Variants in OSBPL7 observed in about 807,000 individuals in gnomAD.
The protein encoded by OSBPL7 is oxysterol binding protein like 7, also known as oxysterol-binding protein-related protein 7.
A neutral mutation model predicts 115.8 loss-of-function variants in OSBPL7; 66 were observed. That is an observed-to-expected ratio of 0.57 (90% CI 0.47 to 0.70). The LOEUF is 0.70. Ranked by LOEUF, OSBPL7 falls within the 30% of genes least tolerant of loss-of-function variation. The pLI, the probability that OSBPL7 is intolerant of heterozygous loss-of-function variation, is 0.00. For missense variants in OSBPL7, 902 were observed against 1,125.5 expected, an observed-to-expected ratio of 0.80 and a Z score of 2.84; for synonymous variants, 441 against 439.2, an observed-to-expected ratio of 1.00 and a Z score of -0.05.
At chr17:47,819,175 ATG>A in intron 4 of OSBPL7, 76 bp from the exon 5 acceptor site, 2 of 1,262,278 alleles carry the variant, frequency 1.6e-6, no homozygotes, top group Non-Finnish European at 2.3e-6. Context: ...CATCTCCCTG[ATG>A]CCATTCTAGG....
intron 16 of OSBPL7, among the ~76,000 whole-genome samples, chr17:47,812,738 G>A (rs903299465): frequency 4.6e-5 from 7 of 152,174 alleles, no homozygotes; most frequent in Non-Finnish European, 1.5e-5. Flanking sequence ...GTCGGCCTCC[G>A]CCAACCAGGC....
At chr17:47,817,144 G>C in intron 8 of OSBPL7, 112 bp downstream of exon 8, 3 of 864,870 alleles carry the variant, frequency 3.5e-6, no homozygotes, top group Non-Finnish European at 5.4e-6. Flanking sequence ...GAAACCAGGC[G>C]ATGCATGGCT....
intron 14 of OSBPL7, 106 bp from the exon 15 acceptor site, chr17:47,813,940 C>T (rs1387617354): frequency 7.2e-7 from 1 of 1,397,070 alleles, no homozygotes; most frequent in Non-Finnish European, 9.5e-7. Flanking sequence ...GCCCCTGGGA[C>T]ATTCGCCCCT....
chr17:47,817,970 G>GC (rs2033276879), intron 7 of OSBPL7, among the ~76,000 whole-genome samples: 3 of 152,148 alleles, frequency 2.0e-5, no homozygotes, highest in Admixed American at 2.0e-4. Flanking sequence ...CTTTCCTAGA[G>GC]CACACCCCTT....
At chr17:47,818,443 T>G in intron 6 of OSBPL7, 57 bp from the exon 7 acceptor site, 1 of 1,595,258 alleles carries the variant, frequency 6.3e-7, no homozygotes, top group Non-Finnish European at 8.6e-7. Context: ...GGTCTCACAG[T>G]TCTCCATAGC....
chr17:47,818,710 G>A (rs1425569867), intron 5 of OSBPL7, 94 bp from the exon 6 acceptor site: 182 of 1,112,504 alleles, frequency 1.6e-4, no homozygotes, highest in Non-Finnish European at 2.1e-5. Flanking sequence ...GACAAGCAGG[G>A]TCTCTTCTTA....
intron 14 of OSBPL7, 42 bp downstream of exon 14, chr17:47,814,479 A>ACCCCCCCCCCC: frequency 9.2e-7 from 1 of 1,086,690 alleles, no homozygotes; most frequent in South Asian, 1.2e-5. Flanking sequence ...CTGTTTTTCC[A>ACCCCCCCCCCC]CCCGCCTCCC....
chr17:47,820,523 T>C (rs1178998316), intron 1 of OSBPL7, 158 bp from the exon 2 acceptor site: 2 of 510,770 alleles, frequency 3.9e-6, no homozygotes, highest in Non-Finnish European at 7.1e-6. Context: ...ACCCCACCCA[T>C]TTTCACCTGA....
intron 15 of OSBPL7, 68 bp downstream of exon 15, chr17:47,813,519 T>C: frequency 6.3e-7 from 1 of 1,586,946 alleles, no homozygotes; most frequent in South Asian, 1.1e-5. Flanking sequence ...GCCAGGATTT[T>C]CTGGGAGAAA....
chr17:47,814,479 A>ACCCCCCACCCCCCCCACC, intron 14 of OSBPL7, 42 bp downstream of exon 14: 1 of 1,086,692 alleles, frequency 9.2e-7, no homozygotes, highest in Non-Finnish European at 1.4e-6. Context: ...CTGTTTTTCC[A>ACCCCCCACCCCCCCCACC]CCCGCCTCCC....
rs1005521972 is a variant in OSBPL7, at chr17:47,808,487, T to G, written c.2420+51A>C. On this transcript the variant is annotated intron_variant, in intron 22 of 22. Transcript: ENST00000007414. The surrounding 1 kb of genome is among the most constrained non-coding windows in gnomAD (Gnocchi z 6.1). ...GTGCTGCCTCCCACACCTGCCCTGC[T>G]CCAAGCAGGGCTCATGGGGAGACCC... 6.2e-7 allele frequency: 1 copy of G among 1,613,960 alleles called. No homozygotes were observed. The highest frequency in any genetic ancestry group is 1.3e-5 in the African/African-American group (1 of 75,040).
chr17:47,809,757 C>T (rs780554252), intron 18 of OSBPL7, among the ~76,000 whole-genome samples: 6 of 152,204 alleles, frequency 3.9e-5, no homozygotes, highest in Non-Finnish European at 8.8e-5. Flanking sequence ...CACCAGGAAC[C>T]GTGTGTACGT....
intron 13 of OSBPL7, chr17:47,814,883 G>A: frequency 5.3e-6 from 3 of 566,766 alleles, no homozygotes; most frequent in Non-Finnish European, 9.4e-6. Context: ...AGGGAAGTTG[G>A]GGATTACTGA....
chr17:47,817,005 G>T, intron 8 of OSBPL7, 133 bp from the exon 9 acceptor site: 1 of 898,354 alleles, frequency 1.1e-6, no homozygotes. Flanking sequence ...AGAGGATGCG[G>T]CCGCTCAGGC....
In OSBPL7 at chr17:47,808,063, G is replaced by A. The variant is rs545191627; in HGVS notation, c.*228C>T. 786 of 575,370 alleles carry A rather than the reference G, an allele frequency of 1.4e-3. 4 individuals are homozygous for A. In the African/African-American group the frequency reaches 0.014, roughly 10 times the overall value. The allele number at this position is 575,370 out of a possible 1,614,324, so 35.6% of individuals were successfully genotyped here. A position where few individuals can be genotyped will look rare whatever the true frequency, so the allele number is the denominator to read the frequency against. On this transcript the variant is annotated 3_prime_UTR_variant, in exon 23 of 23. Coordinates refer to ENST00000007414, the MANE Select transcript of OSBPL7 (RefSeq NM_145798.3). The surrounding 1 kb of genome is among the most constrained non-coding windows in gnomAD (Gnocchi z 6.1). ...AAGGGTCTTACATGCTGGTTGTCTGGGGCAAGGAGACTGGGGAAGCACAGA... is the reference window on the plus strand; with the variant it reads ...AAGGGTCTTACATGCTGGTTGTCTGAGGCAAGGAGACTGGGGAAGCACAGA...
Position 47,809,415 on chromosome 17 carries a change from C to G in OSBPL7, c.1944G>C (p.Gln648His), listed in dbSNP as rs760373425. ...TSCIHNVLSG[Q>H]RWIEHYGEVL... ...CCTCCCCATAGTGCTCGATCCAGCG[C>G]TGACCACTCAGGACATTGTGAATGC... is the stretch of plus-strand genomic sequence containing the variant. The change falls in exon 19 of 23, where the codon CAG (glutamine) becomes CAC (histidine). Residue 648 changes from glutamine to histidine, a missense_variant. Physicochemically the swap from Gln to His is conservative, Grantham distance 24 (BLOSUM62 0). Transcript: ENST00000007414. 1.2e-5 allele frequency: 19 copies of G among 1,614,070 alleles called. No individual in the cohort carries two copies. In the South Asian group the frequency reaches 2.1e-4, roughly 18 times the overall value.
In OSBPL7 at chr17:47,808,843, C is replaced by T. The variant is rs751721316; in HGVS notation, c.2297+21G>A. The T allele has an allele frequency of 1.2e-5, 20 of 1,613,832 alleles. No individual in the cohort carries two copies. Among genetic ancestry groups the T allele is most frequent in the African/African-American group, 5.3e-5 (4 of 74,942 alleles). ...GGGAGTGAACTAGATGGTTCTAGGCCGGCACCCATCCGGCACTGACCTCTG... is the reference window on the plus strand; with the variant it reads ...GGGAGTGAACTAGATGGTTCTAGGCTGGCACCCATCCGGCACTGACCTCTG... On this transcript the variant is annotated intron_variant, in intron 21 of 22. Transcript: ENST00000007414. This position sits in a 1 kb window ranked among gnomAD's most constrained non-coding sequence, Gnocchi z 6.1.
chr17:47,809,039 C>T, intron 20 of OSBPL7, 37 bp downstream of exon 20: 1 of 1,613,730 alleles, frequency 6.2e-7, no homozygotes, highest in Non-Finnish European at 8.5e-7. Flanking sequence ...CTGAGCTGCT[C>T]CAGCCTCACC....
Position 47,813,792 on chromosome 17 carries a change from C to A in OSBPL7, c.1394G>T (p.Arg465Leu), listed in dbSNP as rs985926036. The change falls in exon 15 of 23, where the codon CGC (arginine) becomes CTC (leucine). Residue 465 changes from arginine to leucine, a missense_variant. Arg to Leu is a moderately radical substitution (Grantham distance 102). This residue lies in a region of OSBPL7 where 667 missense variants were observed against 788.7 expected (regional missense o/e 0.85). Coordinates refer to ENST00000007414, the MANE Select transcript of OSBPL7 (RefSeq NM_145798.3). ...PGRPMGPPRR[R>L]CLPAASGPGA... ...AGGCCCGCTGGCCGCCGGCAGGCAG[C>A]GACGGCGGGGTGGCCCCATGGGTCT... The A allele has an allele frequency of 6.2e-7, 1 of 1,612,450 alleles. No individual in the cohort carries two copies. Among genetic ancestry groups the A allele is most frequent in the Non-Finnish European group, 8.5e-7 (1 of 1,179,748 alleles).
Sources: allele counts gnomAD v4.1 joint callset (sites outside exome capture counted in the v4.1 genomes callset), GRCh38; gene constraint gnomAD v4.1.1; regional missense constraint gnomAD v4.1.1; non-coding constraint Gnocchi (gnomAD v3.1); transcripts MANE v1.5; gene names NCBI Gene and HGNC (gene_info 2026-07-23, HGNC 2026-07-21).